The following PARD3 variants were observed in gnomAD, a reference collection of about 807,000 sequenced individuals.
PARD3 encodes partitioning defective 3 homolog.
PARD3 carries 75 observed loss-of-function variants against 155.4 expected under a neutral mutation model. The observed-to-expected ratio is 0.48, with a 90% CI of 0.40 to 0.58. PARD3 has a LOEUF of 0.58. Ranked by LOEUF, PARD3 falls within the 20% of genes least tolerant of loss-of-function variation. The pLI is 0.00. For synonymous variants in PARD3, 576 were observed against 610.5 expected (o/e 0.94, Z 0.83); for missense variants, 1,642 against 1,721.7 (o/e 0.95, Z 0.82).
At chr10:34,450,685 C>A (rs917100200) in intron 4 of PARD3, among the ~76,000 whole-genome samples, 2 of 152,086 alleles carry the variant, frequency 1.3e-5, no homozygotes, top group African/African-American at 2.4e-5. Flanking sequence ...ACACACACGG[C>A]ACACAACAGA....
rs142798404 is a variant in PARD3 at position 34,390,910 on chromosome 10, C to T, written c.891-6656G>A. On this transcript the variant is annotated intron_variant, in intron 7 of 24. Coordinates refer to ENST00000374788, the MANE Select transcript of PARD3 (RefSeq NM_001184785.2). Reference sequence around the variant, plus strand: ...ACTGAGCATCATCTTTCCTTTCCAGCGAAACAAAAAGAAAATTTAAAAATA... The same window carrying T: ...ACTGAGCATCATCTTTCCTTTCCAGTGAAACAAAAAGAAAATTTAAAAATA... 8.0e-3 allele frequency among the ~76,000 whole-genome samples: 1,217 copies of T among 152,036 alleles called. 19 individuals carry two copies. Among genetic ancestry groups the T allele is most frequent in the African/African-American group, 0.028 (1,148 of 41,474 alleles).
rs369624631 is a variant in PARD3, at chr10:34,591,801, G to A, written c.223-74642C>T. On this transcript the variant is annotated intron_variant, in intron 2 of 24. Coordinates refer to ENST00000374788, the MANE Select transcript of PARD3 (RefSeq NM_001184785.2). ...GTGCAAGCTAAGCCGGGGGAGTTTC[G>A]ATCAAGGTTAGGAGTTTCTGTACTC... is the stretch of plus-strand genomic sequence containing the variant. 2.6e-5 allele frequency among the ~76,000 whole-genome samples: 4 copies of A among 152,116 alleles called. No individual in the cohort carries two copies. In the East Asian group the frequency reaches 5.8e-4, roughly 22 times the overall value.
At chr10:34,734,617 A>C (rs2094880609) in intron 1 of PARD3, among the ~76,000 whole-genome samples, 1 of 152,116 alleles carries the variant, frequency 6.6e-6, no homozygotes, top group Admixed American at 6.5e-5. Flanking sequence ...TTTAAAATAA[A>C]AGAGAAAACA....
chr10:34,277,296 A>C (rs1466024701), intron 21 of PARD3, among the ~76,000 whole-genome samples: 2 of 152,188 alleles, frequency 1.3e-5, no homozygotes, highest in African/African-American at 4.8e-5. Flanking sequence ...AGAGTACTTC[A>C]GCAGATGGCA....
At chr10:34,487,165 A>G (rs1356710623) in intron 3 of PARD3, among the ~76,000 whole-genome samples, 1 of 152,124 alleles carries the variant, frequency 6.6e-6, no homozygotes, top group African/African-American at 2.4e-5. Context: ...AGAGGCTTCC[A>G]AGTTCTCTCT....
chr10:34,507,556 A>AAAAACAAAAAG (rs1255336661), intron 3 of PARD3, among the ~76,000 whole-genome samples: 6 of 151,866 alleles, frequency 4.0e-5, no homozygotes, highest in Non-Finnish European at 5.9e-5. Flanking sequence ...AACAAAAAAA[A>AAAAACAAAAAG]AAAAACAAAA....
At chr10:34,132,670 C>T (rs773998313) in intron 22 of PARD3, among the ~76,000 whole-genome samples, 6 of 152,220 alleles carry the variant, frequency 3.9e-5, no homozygotes, top group Admixed American at 6.5e-5. Flanking sequence ...GTGACGTGGA[C>T]GGGAGACAGG....
Position 34,346,240 on chromosome 10 carries a change from G to A in PARD3, c.2218+1725C>T, listed in dbSNP as rs540126826. On this transcript the variant is annotated intron_variant, in intron 15 of 24. Coordinates refer to ENST00000374788, the MANE Select transcript of PARD3 (RefSeq NM_001184785.2). ...TAATGAAGCTGTAGCTAACAAAATCGGGGCAACAGACTAGGAAGAAAATGA... is the reference window on the plus strand; with the variant it reads ...TAATGAAGCTGTAGCTAACAAAATCAGGGCAACAGACTAGGAAGAAAATGA... 175 of 1,143,412 alleles carry A rather than the reference G, an allele frequency of 1.5e-4. 1 individual carries two copies. In the South Asian group the frequency reaches 3.2e-3, roughly 21 times the overall value. The allele number at this position is 1,143,412 out of a possible 1,614,324, so 70.8% of individuals were successfully genotyped here.
chr10:34,169,308 G>A (rs1020761247), intron 22 of PARD3, among the ~76,000 whole-genome samples: 1 of 152,208 alleles, frequency 6.6e-6, no homozygotes, highest in Non-Finnish European at 1.5e-5. Flanking sequence ...GAAAGAATAA[G>A]TTCCGTTTTC....
intron 3 of PARD3, among the ~76,000 whole-genome samples, chr10:34,475,923 A>G (rs114656520): frequency 1.9e-3 from 296 of 152,278 alleles, no homozygotes; most frequent in African/African-American, 6.0e-3. Context: ...CCGTATTTCA[A>G]ATGAAAACGC....
At chr10:34,245,430 G>C (rs113171999) in intron 22 of PARD3, among the ~76,000 whole-genome samples, 4 of 150,878 alleles carry the variant, frequency 2.7e-5, no homozygotes, top group African/African-American at 9.7e-5. Context: ...TTCTGCCGTC[G>C]TTCTTTGGAG....
At chr10:34,448,744 G>A (rs1279058749) in intron 5 of PARD3, among the ~76,000 whole-genome samples, 1 of 151,996 alleles carries the variant, frequency 6.6e-6, no homozygotes, top group Non-Finnish European at 1.5e-5. Context: ...GTTCGAGGCT[G>A]CAGTGAGCTA....
At chr10:34,424,622 C>T (rs1362733191) in intron 5 of PARD3, among the ~76,000 whole-genome samples, 1 of 152,088 alleles carries the variant, frequency 6.6e-6, no homozygotes, top group Non-Finnish European at 1.5e-5. Context: ...TCAAGAGATT[C>T]TCATTTCTCA....
intron 1 of PARD3, among the ~76,000 whole-genome samples, chr10:34,708,544 C>T (rs186698997): frequency 1.7e-4 from 26 of 152,064 alleles, no homozygotes; most frequent in African/African-American, 6.3e-4. Context: ...TCAAATGGTT[C>T]AGGACAAAAA....
chr10:34,164,580 C>T (rs1455622914), intron 22 of PARD3, among the ~76,000 whole-genome samples: 3 of 152,150 alleles, frequency 2.0e-5, no homozygotes, highest in African/African-American at 2.4e-5. Flanking sequence ...CATAAGCAGG[C>T]GTCTGAATGA....
chr10:34,491,326 C>T (rs1201905773), intron 3 of PARD3, among the ~76,000 whole-genome samples: 2 of 152,216 alleles, frequency 1.3e-5, no homozygotes, highest in Non-Finnish European at 1.5e-5. Flanking sequence ...TAACTATATA[C>T]TCTCAGTTCT....
At chr10:34,171,215 A>C (rs1949772846) in intron 22 of PARD3, among the ~76,000 whole-genome samples, 1 of 152,242 alleles carries the variant, frequency 6.6e-6, no homozygotes, top group Non-Finnish European at 1.5e-5. Context: ...CTGAAAGGCA[A>C]AAAGAAGGTT....
At chr10:34,637,145 T>C (rs2092506915) in intron 2 of PARD3, among the ~76,000 whole-genome samples, 1 of 152,246 alleles carries the variant, frequency 6.6e-6, no homozygotes, top group Non-Finnish European at 1.5e-5. Context: ...AATCAATAAG[T>C]AAAATAAACC....
intron 22 of PARD3, among the ~76,000 whole-genome samples, chr10:34,198,826 G>A (rs1951077185): frequency 6.6e-6 from 1 of 152,110 alleles, no homozygotes; most frequent in Non-Finnish European, 1.5e-5. Context: ...GGCCTCCCAT[G>A]TATTTGGGAC....
Sources: allele counts gnomAD v4.1 joint callset (sites outside exome capture counted in the v4.1 genomes callset), GRCh38; gene constraint gnomAD v4.1.1; transcripts MANE v1.5; gene names NCBI Gene and HGNC (gene_info 2026-07-23, HGNC 2026-07-21).